ZNF583: variants seen among roughly 807,000 people sequenced by gnomAD.
ZNF583 encodes the protein zinc finger protein 583.
In ZNF583, 30 loss-of-function variants were observed where a neutral mutation model predicts 55.3. That is an observed-to-expected ratio of 0.54 (90% CI 0.41 to 0.74). The LOEUF (loss-of-function observed/expected upper bound fraction) is 0.74, where lower values mean the gene tolerates loss of function less well. Among genes scored for constraint, ZNF583 ranks in the 30% least tolerant of loss-of-function variants. ZNF583 has a pLI of 0.00. For missense variants in ZNF583, 504 were observed against 664.7 expected, an observed-to-expected ratio of 0.76 and a Z score of 2.66; for synonymous variants, 208 against 220.0, an observed-to-expected ratio of 0.95 and a Z score of 0.48.
chr19:56,420,241 T>A (rs1178837930), intron 4 of ZNF583, among the ~76,000 whole-genome samples: 2 of 152,186 alleles, frequency 1.3e-5, no homozygotes, highest in African/African-American at 2.4e-5. Flanking sequence ...TAGGTATTAT[T>A]GATTTAAAAA....
Position 56,406,800 on chromosome 19 carries a change from T to G in ZNF583, c.-89-226T>G, listed in dbSNP as rs186010340. On this transcript the variant is annotated intron_variant, in intron 1 of 4. Coordinates refer to ENST00000333201, the MANE Select transcript of ZNF583 (RefSeq NM_152478.3). Reference sequence around the variant, plus strand: ...CCTCGGCCTCCCAAAGTGCTGGGATTACAGGCGTGAGCCACCGCGCCTGGC... The same window carrying G: ...CCTCGGCCTCCCAAAGTGCTGGGATGACAGGCGTGAGCCACCGCGCCTGGC... Among the ~76,000 whole-genome samples the G allele has an allele frequency of 9.2e-5, 14 of 152,136 alleles. No homozygotes were observed. In the South Asian group the frequency reaches 1.0e-3, roughly 11 times the overall value.
rs2042279348 is a variant in ZNF583 at position 56,414,066 on chromosome 19, C to T, written c.117C>T (p.Tyr39=). ...NLYRKVMLEN[Y]RSLVSLGVSV... Reference sequence around the variant, plus strand: ...ACAGGAAAGTGATGTTGGAGAACTACAGGAGCTTGGTATCATTGGGTAAGG... The same window carrying T: ...ACAGGAAAGTGATGTTGGAGAACTATAGGAGCTTGGTATCATTGGGTAAGG... The change falls in exon 3 of 5, where the codon TAC becomes TAT. Residue 39 remains tyrosine (Y), a synonymous_variant. Coordinates refer to ENST00000333201, the MANE Select transcript of ZNF583 (RefSeq NM_152478.3). 1.2e-6 allele frequency: 2 copies of T among 1,601,050 alleles called. No homozygotes were observed. The highest frequency in any genetic ancestry group is 2.3e-5 in the South Asian group (2 of 88,522).
chr19:56,421,606 G>A, intron 4 of ZNF583: 1 of 665,844 alleles, frequency 1.5e-6, no homozygotes, highest in Non-Finnish European at 1.9e-6. Flanking sequence ...ATTCCATTTG[G>A]TTTCAGACAT....
chr19:56,406,931 G>T, intron 1 of ZNF583, 95 bp from the exon 2 acceptor site: 3 of 580,694 alleles, frequency 5.2e-6, no homozygotes, highest in Non-Finnish European at 9.1e-6. Flanking sequence ...TGAGGTTGGG[G>T]AAAGAAGGAG....
rs1032443900 is a variant in ZNF583 at position 56,424,242 on chromosome 19, T to C, written c.1584T>C (p.Ser528=). 6.2e-7 allele frequency: 1 copy of C among 1,613,872 alleles called. No individual in the cohort carries two copies. The highest frequency in any genetic ancestry group is 8.5e-7 in the Non-Finnish European group (1 of 1,179,988). ...ATGAATGTAAAGATTGCAGGAAATC[T>C]TTCAGGCAGCGTGCACATCTTGCTC... ...RPYECKDCRK[S]FRQRAHLAHH... The change falls in exon 5 of 5, where the codon TCT becomes TCC. Residue 528 remains serine, a synonymous_variant. Coordinates refer to ENST00000333201, the MANE Select transcript of ZNF583 (RefSeq NM_152478.3).
intron 2 of ZNF583, among the ~76,000 whole-genome samples, chr19:56,413,529 A>G (rs891038680): frequency 6.6e-6 from 1 of 152,212 alleles, no homozygotes; most frequent in Non-Finnish European, 1.5e-5. Context: ...CTGAGTTTGG[A>G]AAAATGCCAG....
At position 56,424,229 on chromosome 19, in the gene ZNF583, A is replaced by G; in HGVS notation, c.1571A>G (p.Asp524Gly). Residue 524 changes from aspartate to glycine, a missense_variant, in exon 5 of 5, where the codon GAT becomes GGT. Around this residue, in one of 3 missense-constraint regions of ZNF583, gnomAD observed 63 missense variants for 56.5 expected, o/e 1.11. Transcript: ENST00000333201. Reference sequence around the variant, plus strand: ...GGAGAAAGACCCTATGAATGTAAAGATTGCAGGAAATCTTTCAGGCAGCGT... The same window carrying G: ...GGAGAAAGACCCTATGAATGTAAAGGTTGCAGGAAATCTTTCAGGCAGCGT... The part of the protein sequence containing the change: ...HTGERPYECK[D>G]CRKSFRQRAH... The G allele has an allele frequency of 6.2e-7, 1 of 1,614,022 alleles. No homozygotes were observed. Among genetic ancestry groups the G allele is most frequent in the Non-Finnish European group, 8.5e-7 (1 of 1,179,990 alleles).
At chr19:56,410,435 C>A (rs1206829992) in intron 2 of ZNF583, among the ~76,000 whole-genome samples, 1 of 152,136 alleles carries the variant, frequency 6.6e-6, no homozygotes, top group Non-Finnish European at 1.5e-5. Flanking sequence ...TGTGGTGGCT[C>A]ACGCCTGTAA....
At chr19:56,405,052 C>T (rs1054831918) in intron 1 of ZNF583, among the ~76,000 whole-genome samples, 1 of 151,734 alleles carries the variant, frequency 6.6e-6, no homozygotes, top group African/African-American at 2.4e-5. Flanking sequence ...ACCATGTCAC[C>T]GTGTGTGAGG....
chr19:56,406,487 T>C (rs1193468614), intron 1 of ZNF583, among the ~76,000 whole-genome samples: 1 of 151,594 alleles, frequency 6.6e-6, no homozygotes, highest in Non-Finnish European at 1.5e-5. Context: ...TTTTAAATTA[T>C]AAATGGGGAG....
chr19:56,416,992 T>C (rs984845426), intron 4 of ZNF583, among the ~76,000 whole-genome samples: 5 of 152,186 alleles, frequency 3.3e-5, no homozygotes, highest in Non-Finnish European at 7.4e-5. Context: ...TCATTCAGTA[T>C]GTATTTTGTT....
intron 2 of ZNF583, among the ~76,000 whole-genome samples, chr19:56,410,540 A>G (rs1327090090): frequency 1.3e-5 from 2 of 152,050 alleles, no homozygotes; most frequent in Non-Finnish European, 2.9e-5. Context: ...TCTCTACTAA[A>G]AATACAAAAA....
Position 56,407,120 on chromosome 19 carries a change from C to T in ZNF583, c.6C>T (p.Ser2=). Residue 2 remains serine (S), a synonymous_variant, in exon 2 of 5, where the codon TCC becomes TCT. Transcript: ENST00000333201. The stretch of plus-strand genomic sequence containing the variant: ...ATTCTGGAATCCTTAAAGCCATGTC[C>T]AAGGTAAGGAAGCATTTCTTCTCTC... M[S]KDLVTFGDVA... is the part of the protein sequence containing the mutation. 6 of 1,614,090 alleles carry T rather than the reference C, an allele frequency of 3.7e-6. No homozygotes were observed. The highest frequency in any genetic ancestry group is 4.2e-6 in the Non-Finnish European group (5 of 1,180,002).
At position 56,412,640 on chromosome 19, in the gene ZNF583, T is replaced by G. The variant is rs570608088; in HGVS notation, c.10-1319T>G. On this transcript the variant is annotated intron_variant, in intron 2 of 4. Coordinates refer to ENST00000333201, the MANE Select transcript of ZNF583 (RefSeq NM_152478.3). ...GTTACCAACTATCTTTACAACTTAG[T>G]GGGGTTATCAAGAGCTGTTAGGCAA... Among the ~76,000 whole-genome samples the G allele has an allele frequency of 3.3e-5, 5 of 152,306 alleles. No individual in the cohort carries two copies. In the South Asian group the frequency reaches 1.0e-3, roughly 32 times the overall value.
In ZNF583 at chr19:56,424,080, C is replaced by T. The variant is rs1338529788; in HGVS notation, c.1422C>T (p.Ser474=). 1 of 1,613,758 alleles carries T rather than the reference C, an allele frequency of 6.2e-7. No individual in the cohort carries two copies. Among genetic ancestry groups the T allele is most frequent in the Non-Finnish European group, 8.5e-7 (1 of 1,179,962 alleles). Residue 474 remains serine, a synonymous_variant, in exon 5 of 5, where the codon AGC becomes AGT. Coordinates refer to ENST00000333201, the MANE Select transcript of ZNF583 (RefSeq NM_152478.3). ...GTAAGGAATGTAGGAAAACATTTAGCCAGAATGCAGGCCTTGCTCAACATC... is the reference window on the plus strand; with the variant it reads ...GTAAGGAATGTAGGAAAACATTTAGTCAGAATGCAGGCCTTGCTCAACATC... ...YMCKECRKTF[S]QNAGLAQHQR...
intron 2 of ZNF583, 26 bp downstream of exon 2, chr19:56,407,149 C>G (rs779160193): frequency 4.3e-6 from 7 of 1,613,502 alleles, no homozygotes; most frequent in Non-Finnish European, 5.9e-6. Context: ...TTCTCTCTTC[C>G]CTAAAATGCC....
At chr19:56,422,557 C>G (rs916969139) in intron 4 of ZNF583, among the ~76,000 whole-genome samples, 1 of 152,016 alleles carries the variant, frequency 6.6e-6, no homozygotes, top group Non-Finnish European at 1.5e-5. Flanking sequence ...ATAAAACTGG[C>G]TTATAAAAGA....
At chr19:56,417,110 G>A (rs1042466191) in intron 4 of ZNF583, among the ~76,000 whole-genome samples, 1 of 152,196 alleles carries the variant, frequency 6.6e-6, no homozygotes, top group Non-Finnish European at 1.5e-5. Context: ...GGACATTTGG[G>A]TTGTTTCCAG....
intron 4 of ZNF583, among the ~76,000 whole-genome samples, chr19:56,422,320 A>G (rs188447884): frequency 2.0e-3 from 311 of 152,304 alleles, no homozygotes; most frequent in African/African-American, 6.1e-3. Flanking sequence ...ATATGAAGGC[A>G]TCTTAGCTGC....
Sources: allele counts gnomAD v4.1 joint callset (sites outside exome capture counted in the v4.1 genomes callset), GRCh38; gene constraint gnomAD v4.1.1; regional missense constraint gnomAD v4.1.1; transcripts MANE v1.5; gene names NCBI Gene and HGNC (gene_info 2026-07-23, HGNC 2026-07-21).